The following SH3D19 variants were observed in gnomAD, a reference collection of about 807,000 sequenced individuals.
SH3D19 encodes the protein SH3 domain-containing protein 19.
SH3D19 carries 58 observed loss-of-function variants against 112.1 expected under a neutral mutation model. The observed-to-expected ratio is 0.52, with a 90% CI of 0.42 to 0.64. The LOEUF is 0.64. Ranked by LOEUF, SH3D19 falls within the 30% of genes least tolerant of loss-of-function variation. The pLI, the probability that SH3D19 is intolerant of heterozygous loss-of-function variation, is 0.00. For synonymous variants in SH3D19, 391 were observed against 448.5 expected (o/e 0.87, Z 1.62); for missense variants, 1,090 against 1,263.4 (o/e 0.86, Z 2.08).
intron 8 of SH3D19, among the ~76,000 whole-genome samples, chr4:151,163,604 G>A (rs1246835294): frequency 6.9e-6 from 1 of 143,982 alleles, no homozygotes; most frequent in Non-Finnish European, 1.5e-5. Context: ...TTTTTGAGAT[G>A]GAGTCTCATT....
intron 1 of SH3D19, among the ~76,000 whole-genome samples, chr4:151,236,845 C>G (rs186003299): frequency 6.6e-6 from 1 of 152,316 alleles, no homozygotes; most frequent in Non-Finnish European, 1.5e-5. Context: ...AACAATCTGT[C>G]AAAATGGACC....
chr4:151,302,193 C>T (rs1317988376), intron 1 of SH3D19, among the ~76,000 whole-genome samples: 3 of 152,192 alleles, frequency 2.0e-5, no homozygotes, highest in South Asian at 4.1e-4. Context: ...ACATGCTTTG[C>T]TATCTTTTTC....
intron 1 of SH3D19, among the ~76,000 whole-genome samples, chr4:151,262,105 T>C (rs1315943629): frequency 4.6e-5 from 7 of 152,232 alleles, no homozygotes; most frequent in Non-Finnish European, 7.3e-5. Flanking sequence ...ATTTGTGCTA[T>C]GTGAACAGGA....
At chr4:151,213,684 A>C (rs1216613468) in intron 2 of SH3D19, among the ~76,000 whole-genome samples, 1 of 147,696 alleles carries the variant, frequency 6.8e-6, no homozygotes, top group Non-Finnish European at 1.5e-5. Flanking sequence ...TAATTAATTA[A>C]TTAATTTATT....
At chr4:151,255,206 C>G (rs1437444334) in intron 1 of SH3D19, among the ~76,000 whole-genome samples, 1 of 149,264 alleles carries the variant, frequency 6.7e-6, no homozygotes, top group Non-Finnish European at 1.5e-5. Context: ...GGCTGCCGGG[C>G]GGAGAGGCTC....
At chr4:151,289,595 A>G (rs373227281) in intron 1 of SH3D19, among the ~76,000 whole-genome samples, 1 of 152,234 alleles carries the variant, frequency 6.6e-6, no homozygotes, top group African/African-American at 2.4e-5. Flanking sequence ...CAAATGTCCA[A>G]CTGGTATAAA....
chr4:151,153,430 G>C (rs1755466001), intron 9 of SH3D19, among the ~76,000 whole-genome samples: 1 of 151,528 alleles, frequency 6.6e-6, no homozygotes, highest in African/African-American at 2.4e-5. Context: ...ATTTTTAGTA[G>C]AGATGGGGGT....
chr4:151,267,324 G>A (rs1299700451), intron 1 of SH3D19, among the ~76,000 whole-genome samples: 1 of 151,742 alleles, frequency 6.6e-6, no homozygotes, highest in Non-Finnish European at 1.5e-5. Context: ...GACAGAGCAA[G>A]ACCCTGTTGT....
intron 7 of SH3D19, among the ~76,000 whole-genome samples, chr4:151,168,958 G>C (rs1044508733): frequency 6.6e-6 from 1 of 151,574 alleles, no homozygotes; most frequent in African/African-American, 2.4e-5. Flanking sequence ...GGGGCAGGCA[G>C]GGAAAGGAGA....
At chr4:151,297,870 T>G (rs910084266) in intron 1 of SH3D19, among the ~76,000 whole-genome samples, 1 of 152,232 alleles carries the variant, frequency 6.6e-6, no homozygotes, top group Non-Finnish European at 1.5e-5. Flanking sequence ...GTGGGACCAA[T>G]GTAATCAATC....
intron 2 of SH3D19, among the ~76,000 whole-genome samples, chr4:151,195,342 A>G (rs1763268404): frequency 7.8e-6 from 1 of 128,310 alleles, no homozygotes; most frequent in South Asian, 2.6e-4. Flanking sequence ...ACTGCACTCC[A>G]GCCTGGTGGA....
chr4:151,172,774 G>A (rs1476111330), intron 7 of SH3D19, among the ~76,000 whole-genome samples: 4 of 152,176 alleles, frequency 2.6e-5, no homozygotes, highest in Non-Finnish European at 4.4e-5. Flanking sequence ...TGTGTGACAC[G>A]GTGAGAAGAC....
At chr4:151,313,601 A>G (rs1392990492) in intron 1 of SH3D19, among the ~76,000 whole-genome samples, 9 of 152,042 alleles carry the variant, frequency 5.9e-5, no homozygotes, top group African/African-American at 4.8e-5. Context: ...TATTTTTTAT[A>G]AAGTCGGGGT....
At chr4:151,219,369 T>A (rs948756751) in intron 2 of SH3D19, among the ~76,000 whole-genome samples, 1 of 152,192 alleles carries the variant, frequency 6.6e-6, no homozygotes, top group African/African-American at 2.4e-5. Flanking sequence ...TCTTTTACTA[T>A]AAATTCCCAC....
At chr4:151,243,654 T>C (rs1271228604) in intron 1 of SH3D19, among the ~76,000 whole-genome samples, 1 of 152,262 alleles carries the variant, frequency 6.6e-6, no homozygotes, top group Non-Finnish European at 1.5e-5. Context: ...AGTGCTATTA[T>C]TTTGAAAACT....
chr4:151,239,363 C>A (rs1258380887), intron 1 of SH3D19, among the ~76,000 whole-genome samples: 1 of 152,326 alleles, frequency 6.6e-6, no homozygotes, highest in Non-Finnish European at 1.5e-5. Flanking sequence ...CCTCTCCACA[C>A]CTCTGCAAGC....
At chr4:151,221,386 C>T (rs1285487015) in intron 2 of SH3D19, among the ~76,000 whole-genome samples, 1 of 152,202 alleles carries the variant, frequency 6.6e-6, no homozygotes, top group East Asian at 1.9e-4. Flanking sequence ...CTGCTTGATG[C>T]ACTGCTGGCC....
At chr4:151,127,743 A>G (rs778317833) in intron 18 of SH3D19, 28 bp from the exon 19 acceptor site, 6 of 1,379,574 alleles carry the variant, frequency 4.3e-6, no homozygotes, top group Non-Finnish European at 5.9e-6. Flanking sequence ...ATTTAAATAT[A>G]TAGAAACACA....
chr4:151,151,463 C>T (rs1755059896), intron 9 of SH3D19, among the ~76,000 whole-genome samples: 1 of 149,968 alleles, frequency 6.7e-6, no homozygotes, highest in South Asian at 2.1e-4. Context: ...GACTGTTTTT[C>T]TCCTTCTTAT....
Sources: gnomAD v4.1 joint callset for allele counts (sites outside exome capture counted in the v4.1 genomes callset) on GRCh38, gnomAD v4.1.1 for gene constraint, MANE v1.5 for transcripts, NCBI Gene and HGNC (gene_info 2026-07-23, HGNC 2026-07-21) for gene names.